Variants in CFI observed in about 807,000 individuals in gnomAD.
CFI encodes the protein complement factor I, also known as C3B/C4B inactivator.
In CFI, 66 loss-of-function variants were observed where a neutral mutation model predicts 78.8. The observed-to-expected ratio is 0.84, with a 90% CI of 0.69 to 1.03. CFI has a LOEUF of 1.03. CFI is among the 50% of genes least tolerant of loss of function. CFI has a pLI of 0.00. For missense variants in CFI, 706 were observed against 704.5 expected (o/e 1.00, Z -0.02); for synonymous variants, 250 against 232.6 (o/e 1.07, Z -0.68).
At chr4:109,760,904 G>A (rs1309192787) in intron 4 of CFI, among the ~76,000 whole-genome samples, 4 of 152,152 alleles carry the variant, frequency 2.6e-5, no homozygotes, top group South Asian at 4.1e-4. Flanking sequence ...TCAAGAGTAC[G>A]TGCTGACATT....
intron 1 of CFI, among the ~76,000 whole-genome samples, chr4:109,786,170 A>G (rs1429667502): frequency 6.6e-6 from 1 of 152,040 alleles, no homozygotes; most frequent in Non-Finnish European, 1.5e-5. Context: ...AGCTGGGATT[A>G]CAAGTGCCTG....
At chr4:109,767,332 G>C (rs1579238289) in intron 1 of CFI, among the ~76,000 whole-genome samples, 1 of 152,036 alleles carries the variant, frequency 6.6e-6, no homozygotes. Context: ...ACCACCATCA[G>C]AGTGAATAGG....
chr4:109,757,944 G>T, intron 6 of CFI, 161 bp from the exon 7 acceptor site: 1 of 1,465,048 alleles, frequency 6.8e-7, no homozygotes, highest in Non-Finnish European at 9.1e-7. Flanking sequence ...ACCTTGAATT[G>T]TAGGATGTCT....
intron 1 of CFI, among the ~76,000 whole-genome samples, chr4:109,779,667 C>T (rs1347501971): frequency 1.3e-5 from 2 of 152,142 alleles, no homozygotes; most frequent in Admixed American, 6.6e-5. Flanking sequence ...AAAGAGCCCA[C>T]ATTGCCAAGA....
chr4:109,778,158 C>A (rs1234518345), intron 1 of CFI, among the ~76,000 whole-genome samples: 1 of 152,078 alleles, frequency 6.6e-6, no homozygotes, highest in African/African-American at 2.4e-5. Context: ...GAGATACGGA[C>A]ACAAAAAACC....
At chr4:109,781,653 A>C (rs1730051145) in intron 1 of CFI, among the ~76,000 whole-genome samples, 1 of 152,186 alleles carries the variant, frequency 6.6e-6, no homozygotes, top group Non-Finnish European at 1.5e-5. Flanking sequence ...TCCCCAATTC[A>C]TTCTGTGAAG....
At chr4:109,801,557 G>T (rs1732770596) in intron 1 of CFI, among the ~76,000 whole-genome samples, 1 of 152,136 alleles carries the variant, frequency 6.6e-6, no homozygotes, top group Non-Finnish European at 1.5e-5. Context: ...GTACTAAGAG[G>T]CTGTTGAAGG....
At chr4:109,757,961 TAAAACAA>T (rs1579209146) in intron 6 of CFI, 178 bp from the exon 7 acceptor site, 2 of 1,460,968 alleles carry the variant, frequency 1.4e-6, no homozygotes, top group Admixed American at 2.6e-5. Context: ...GTCTAGCTGC[TAAAACAA>T]AAAACAAAAA....
Position 109,801,988 on chromosome 4 carries a change from G to A in CFI, c.-17C>T. On this transcript the variant is annotated 5_prime_UTR_variant, in exon 1 of 13. Transcript: ENST00000394634. ...AAGCTTCATGTTGGAGGTGTTCGGG[G>A]TCTTTGTCTCTGCTGAGAACTCTTT... 1 of 1,602,852 alleles carries A rather than the reference G, an allele frequency of 6.2e-7. No individual in the cohort carries two copies. The highest frequency in any genetic ancestry group is 2.2e-5 in the East Asian group (1 of 44,782).
intron 10 of CFI, among the ~76,000 whole-genome samples, chr4:109,746,997 G>T (rs1724558329): frequency 6.6e-6 from 1 of 152,158 alleles, no homozygotes; most frequent in African/African-American, 2.4e-5. Context: ...TTGTTCACAT[G>T]CCTTTCCTCA....
At chr4:109,751,530 C>G (rs1392500412) in intron 8 of CFI, among the ~76,000 whole-genome samples, 1 of 150,544 alleles carries the variant, frequency 6.6e-6, no homozygotes, top group African/African-American at 2.4e-5. Context: ...CAACCTCCAC[C>G]TCCCGGGTTC....
At chr4:109,784,384 T>G (rs969076073) in intron 1 of CFI, among the ~76,000 whole-genome samples, 3 of 152,094 alleles carry the variant, frequency 2.0e-5, no homozygotes, top group African/African-American at 7.2e-5. Flanking sequence ...AATGGGGTGA[T>G]AGTTGGAGGA....
intron 1 of CFI, among the ~76,000 whole-genome samples, chr4:109,782,034 C>A (rs1231812664): frequency 6.6e-6 from 1 of 152,118 alleles, no homozygotes; most frequent in Non-Finnish European, 1.5e-5. Context: ...CTATCTATGA[C>A]AAACCCACAG....
chr4:109,759,157 C>T (rs1333407976), intron 6 of CFI, among the ~76,000 whole-genome samples: 1 of 150,970 alleles, frequency 6.6e-6, no homozygotes, highest in Non-Finnish European at 1.5e-5. Context: ...AAAAAGTGTT[C>T]ATTTGTCATT....
intron 1 of CFI, among the ~76,000 whole-genome samples, chr4:109,791,432 G>T (rs150555914): frequency 6.6e-6 from 1 of 152,112 alleles, no homozygotes; most frequent in East Asian, 1.9e-4. Context: ...CTGTGCAGAA[G>T]CTCTTTAGTT....
chr4:109,760,410 T>G, intron 5 of CFI, 30 bp from the exon 6 acceptor site: 1 of 1,578,562 alleles, frequency 6.3e-7, no homozygotes, highest in South Asian at 1.1e-5. Flanking sequence ...AGAGGTTTTT[T>G]TCATTCCTTA....
At chr4:109,771,830 TG>T (rs1370222077) in intron 1 of CFI, among the ~76,000 whole-genome samples, 1 of 152,032 alleles carries the variant, frequency 6.6e-6, no homozygotes, top group Middle Eastern at 3.2e-3. Flanking sequence ...GAGAGATTTT[TG>T]TTTTCATTAG....
At chr4:109,796,292 T>C (rs1009964885) in intron 1 of CFI, among the ~76,000 whole-genome samples, 3 of 152,090 alleles carry the variant, frequency 2.0e-5, no homozygotes, top group African/African-American at 4.8e-5. Flanking sequence ...CCAGAAAAAC[T>C]ATCCTCTAAA....
chr4:109,745,808 T>C (rs1251857499), intron 11 of CFI, among the ~76,000 whole-genome samples: 1 of 152,192 alleles, frequency 6.6e-6, no homozygotes, highest in East Asian at 1.9e-4. Context: ...CAGTCCATGC[T>C]GTATGTCTCC....
Sources: allele counts gnomAD v4.1 joint callset (sites outside exome capture counted in the v4.1 genomes callset), GRCh38; gene constraint gnomAD v4.1.1; transcripts MANE v1.5; gene names NCBI Gene and HGNC (gene_info 2026-07-23, HGNC 2026-07-21).